KLF13: variants seen among roughly 807,000 people sequenced by gnomAD.
The protein encoded by KLF13 is Krueppel-like factor 13.
A neutral mutation model predicts 16.7 loss-of-function variants in KLF13; 8 were observed. That is an observed-to-expected ratio of 0.48 (90% confidence interval 0.28 to 0.87). The LOEUF (loss-of-function observed/expected upper bound fraction) is 0.87. Ranked by LOEUF, KLF13 falls within the 40% of genes least tolerant of loss-of-function variation. The probability of loss-of-function intolerance (pLI) is 0.10; values close to 1 mark genes in which losing one functional copy is unlikely to be tolerated. For missense variants in KLF13, 447 were observed against 452.2 expected (o/e 0.99, Z 0.10); for synonymous variants, 245 against 208.4 (o/e 1.18, Z -1.51).
chr15:31,380,365 G>A (rs1410463273), downstream of KLF13, among the ~76,000 whole-genome samples: 1 of 152,180 alleles, frequency 6.6e-6, no homozygotes, highest in African/African-American at 2.4e-5. Context: ...GCACCCTGTC[G>A]CTGGAGGCAT....
At chr15:31,355,986 C>T (rs959467351) in intron 1 of KLF13, among the ~76,000 whole-genome samples, 3 of 152,118 alleles carry the variant, frequency 2.0e-5, no homozygotes, top group South Asian at 2.1e-4. Flanking sequence ...AGAGCTCCTG[C>T]TGCATAGCCT....
At chr15:31,434,708 G>C (rs1004071918) in intron 1 of KLF13, among the ~76,000 whole-genome samples, 1 of 152,212 alleles carries the variant, frequency 6.6e-6, no homozygotes, top group Non-Finnish European at 1.5e-5. Context: ...GAAAATACTG[G>C]GAAGCAGGCT....
At chr15:31,431,916 C>T (rs1033699825) in intron 1 of KLF13, among the ~76,000 whole-genome samples, 2 of 151,996 alleles carry the variant, frequency 1.3e-5, no homozygotes, top group East Asian at 1.9e-4. Flanking sequence ...TCTAAAGCAA[C>T]GGAAGGAAGG....
At chr15:31,384,760 G>A (rs1052557122) in intron 1 of KLF13, among the ~76,000 whole-genome samples, 3 of 152,126 alleles carry the variant, frequency 2.0e-5, no homozygotes, top group African/African-American at 4.8e-5. Flanking sequence ...TTGGTGCAAA[G>A]GGATGACATA....
At chr15:31,412,191 G>A (rs1396788870) in intron 1 of KLF13, among the ~76,000 whole-genome samples, 1 of 152,216 alleles carries the variant, frequency 6.6e-6, no homozygotes, top group African/African-American at 2.4e-5. Flanking sequence ...TGAGAACACA[G>A]CTAGAAGCTG....
In KLF13 at chr15:31,327,410, G is replaced by T; in HGVS notation, c.198G>T (p.Arg66=). The T allele has an allele frequency of 8.0e-7, 1 of 1,254,734 alleles. No individual in the cohort carries two copies. Among genetic ancestry groups the T allele is most frequent in the Non-Finnish European group, 1.0e-6 (1 of 997,170 alleles). The allele number at this position is 1,254,734 out of a possible 1,614,324, so 77.7% of individuals were successfully genotyped here. A position where few individuals can be genotyped will look rare whatever the true frequency, so the allele number is the denominator to read the frequency against. Residue 66 remains arginine (R), a synonymous_variant, in exon 1 of 2, where the codon CGG becomes CGT. Coordinates refer to ENST00000307145, the MANE Select transcript of KLF13 (RefSeq NM_015995.4). ...KDSASLFVVA[R]ILADLNQQAP... ...GCGCCTCGCTCTTCGTGGTGGCGCG[G>T]ATCCTAGCGGACCTCAACCAGCAAG...
chr15:31,345,418 C>T (rs1017811946), intron 1 of KLF13, among the ~76,000 whole-genome samples: 22 of 152,334 alleles, frequency 1.4e-4, no homozygotes, highest in Admixed American at 6.5e-4. Flanking sequence ...CCTGCTGCAC[C>T]GCTGGCCTGC....
intron 1 of KLF13, among the ~76,000 whole-genome samples, chr15:31,434,759 A>C (rs1333582242): frequency 1.5e-4 from 23 of 152,200 alleles, no homozygotes; most frequent in Admixed American, 1.5e-3. Flanking sequence ...TGGATTGGGC[A>C]GCAGCCCACG....
intron 1 of KLF13, among the ~76,000 whole-genome samples, chr15:31,411,488 C>A (rs929543468): frequency 2.0e-5 from 3 of 151,126 alleles, no homozygotes; most frequent in Admixed American, 6.6e-5. Context: ...CTCTGCCTCT[C>A]AGGTTCACAC....
downstream of KLF13, among the ~76,000 whole-genome samples, chr15:31,382,627 C>T (rs1332401844): frequency 6.6e-6 from 1 of 152,186 alleles, no homozygotes; most frequent in Non-Finnish European, 1.5e-5. Flanking sequence ...GGGCCTGCAC[C>T]TGGCAGCTCA....
At chr15:31,404,637 C>A (rs1019704977) in exon 3 of KLF13, 1 of 152,218 alleles carries the variant, frequency 6.6e-6, no homozygotes, top group African/African-American at 2.4e-5. Context: ...AAGCTGGCCA[C>A]CCTCCAGTCA....
chr15:31,426,955 C>T (rs1303702928), intron 1 of KLF13, among the ~76,000 whole-genome samples: 1 of 152,220 alleles, frequency 6.6e-6, no homozygotes, highest in African/African-American at 2.4e-5. Context: ...ATCAGAACTC[C>T]AGTCTCTCCA....
At chr15:31,347,780 C>T (rs1004306475) in intron 1 of KLF13, among the ~76,000 whole-genome samples, 2 of 152,358 alleles carry the variant, frequency 1.3e-5, no homozygotes, top group African/African-American at 2.4e-5. Context: ...CCTTCCACCC[C>T]CTCCAGCCTC....
intron 1 of KLF13, among the ~76,000 whole-genome samples, chr15:31,365,823 G>A (rs1235053032): frequency 2.0e-5 from 3 of 152,160 alleles, no homozygotes; most frequent in South Asian, 2.1e-4. Context: ...GGAGAGGGGA[G>A]GGCCTGGGAC....
At chr15:31,369,834 A>G (rs544834803) in intron 1 of KLF13, among the ~76,000 whole-genome samples, 8 of 152,254 alleles carry the variant, frequency 5.3e-5, no homozygotes, top group Admixed American at 1.3e-4. Flanking sequence ...ATCCAGTGTG[A>G]CTTAGGAAAA....
At chr15:31,430,199 A>G (rs1373401719) in intron 1 of KLF13, among the ~76,000 whole-genome samples, 1 of 152,196 alleles carries the variant, frequency 6.6e-6, no homozygotes, top group African/African-American at 2.4e-5. Context: ...TAAGAGAGTG[A>G]AAAGCTAAGT....
At chr15:31,381,307 C>T (rs2039723557), downstream of KLF13, among the ~76,000 whole-genome samples, 2 of 152,102 alleles carry the variant, frequency 1.3e-5, no homozygotes, top group South Asian at 4.1e-4. Context: ...TCTTACAGGG[C>T]TAAAATCCAG....
chr15:31,385,994 T>C (rs1053017880), intron 1 of KLF13, among the ~76,000 whole-genome samples: 2 of 152,260 alleles, frequency 1.3e-5, no homozygotes, highest in South Asian at 4.1e-4. Context: ...GCATGAATGA[T>C]ACGAAAGTGA....
At position 31,365,508 on chromosome 15, in the gene KLF13, T is replaced by C. The variant is rs543293243; in HGVS notation, c.578-6502T>C. ...TCTGGCCCCAGCTTGGTACCGGGCA[T>C]TGGAAACATTGCAAAAATGACCACT... On this transcript the variant is annotated intron_variant, in intron 1 of 1. Transcript: ENST00000307145. Among the ~76,000 whole-genome samples, 16 of 151,916 alleles carry C rather than the reference T, an allele frequency of 1.1e-4. No homozygotes were observed. The East Asian group carries it at 3.1e-3, about 29-fold the overall frequency.
Sources: gnomAD v4.1 joint callset for allele counts (sites outside exome capture counted in the v4.1 genomes callset) on GRCh38, gnomAD v4.1.1 for gene constraint, MANE v1.5 for transcripts, NCBI Gene and HGNC (gene_info 2026-07-23, HGNC 2026-07-21) for gene names.